The following DPP10 variants were observed in gnomAD, a reference collection of about 807,000 sequenced individuals.
DPP10 encodes the protein inactive dipeptidyl peptidase 10.
In DPP10, 33 loss-of-function variants were observed where a neutral mutation model predicts 120.9. The observed-to-expected ratio is 0.27, with a 90% CI of 0.21 to 0.37. DPP10 has a LOEUF of 0.37. DPP10 is among the 10% of genes least tolerant of loss of function. The pLI, the probability that DPP10 is intolerant of heterozygous loss-of-function variation, is 1.00. For synonymous variants in DPP10, 337 were observed against 326.1 expected (o/e 1.03, Z -0.36); for missense variants, 816 against 942.8 (o/e 0.87, Z 1.76).
chr2:114,813,585 ATCTT>A (rs1685366214), intron 1 of DPP10, among the ~76,000 whole-genome samples: 2 of 152,172 alleles, frequency 1.3e-5, no homozygotes, highest in African/African-American at 4.8e-5. Context: ...TTGTTTCAAA[ATCTT>A]ACTACCTTAT....
chr2:114,834,582 A>G (rs187485937), intron 1 of DPP10, among the ~76,000 whole-genome samples: 3,232 of 127,418 alleles, frequency 0.025, 90 homozygotes, highest in Admixed American at 0.03. Flanking sequence ...TATAAGCCAT[A>G]TCTACGCACC....
At chr2:114,716,925 A>G (rs773128386) in intron 1 of DPP10, among the ~76,000 whole-genome samples, 4 of 152,206 alleles carry the variant, frequency 2.6e-5, no homozygotes, top group Non-Finnish European at 5.9e-5. Context: ...TGGCACAACT[A>G]TCACATTTCT....
chr2:114,935,809 C>T lies in DPP10; in HGVS notation c.61-373430C>T, dbSNP rs146672391. Among the ~76,000 whole-genome samples the T allele has an allele frequency of 3.2e-3, 489 of 151,216 alleles. 11 individuals carry two copies. Among genetic ancestry groups the T allele is most frequent in the Admixed American group, 0.027 (415 of 15,170 alleles). ...AAACAAGTGCCTCCAGACAATCTTA[C>T]GAAGAAGCAAGTTTGGGAACCTTCT... On this transcript the variant is annotated intron_variant, in intron 1 of 25. Coordinates refer to ENST00000410059, the MANE Select transcript of DPP10 (RefSeq NM_020868.6).
intron 3 of DPP10, among the ~76,000 whole-genome samples, chr2:115,354,357 T>C (rs189733556): frequency 1.3e-5 from 2 of 152,234 alleles, no homozygotes; most frequent in Admixed American, 6.5e-5. Context: ...TTTTCACCAG[T>C]GTCTAACATT....
intron 1 of DPP10, among the ~76,000 whole-genome samples, chr2:114,773,327 ACGGAC>A (rs1681436979): frequency 2.1e-5 from 1 of 48,448 alleles, no homozygotes; most frequent in African/African-American, 5.5e-5. Context: ...AAAACTCATC[ACGGAC>A]TTTTAGTTTA....
chr2:115,485,695 T>C (rs926910975), intron 3 of DPP10, among the ~76,000 whole-genome samples: 1 of 152,110 alleles, frequency 6.6e-6, no homozygotes, highest in South Asian at 2.1e-4. Flanking sequence ...TCATTATGCA[T>C]TTGAAGAGTC....
At chr2:115,635,006 G>T (rs966303088) in intron 5 of DPP10, among the ~76,000 whole-genome samples, 1 of 152,122 alleles carries the variant, frequency 6.6e-6, no homozygotes, top group African/African-American at 2.4e-5. Context: ...CTCTGCCACA[G>T]CCACGGTGCT....
intron 1 of DPP10, among the ~76,000 whole-genome samples, chr2:114,759,895 G>A (rs1479765257): frequency 3.3e-5 from 5 of 151,722 alleles, no homozygotes; most frequent in South Asian, 2.1e-4. Flanking sequence ...TGAAGCAGAC[G>A]GACAAATTTG....
At chr2:115,763,677 A>G (rs915794227) in intron 12 of DPP10, among the ~76,000 whole-genome samples, 11 of 152,280 alleles carry the variant, frequency 7.2e-5, no homozygotes, top group South Asian at 2.1e-4. Context: ...GCACCTGCCA[A>G]TCTGTTCACA....
In DPP10 at chr2:114,588,040, C is replaced by T. The variant is rs74455679; in HGVS notation, c.60+145202C>T. On this transcript the variant is annotated intron_variant, in intron 1 of 25. Coordinates refer to ENST00000410059, the MANE Select transcript of DPP10 (RefSeq NM_020868.6). ...AAGGTCCCAGGTGTTTTAGAAGCTG[C>T]GCTATTTTAGCACAAAATAATATAC... Among the ~76,000 whole-genome samples, 995 of 152,268 alleles carry T rather than the reference C, an allele frequency of 6.5e-3. 17 individuals carry two copies. The highest frequency in any genetic ancestry group is 0.022 in the African/African-American group (916 of 41,548).
intron 1 of DPP10, among the ~76,000 whole-genome samples, chr2:114,722,544 A>C (rs1701764048): frequency 6.6e-6 from 1 of 152,066 alleles, no homozygotes; most frequent in Non-Finnish European, 1.5e-5. Flanking sequence ...TGGGAGGCCG[A>C]GGCGGGTGGA....
intron 7 of DPP10, among the ~76,000 whole-genome samples, chr2:115,707,052 A>G (rs1377409340): frequency 6.6e-6 from 1 of 152,036 alleles, no homozygotes; most frequent in Non-Finnish European, 1.5e-5. Flanking sequence ...TCAACGGAAC[A>G]TAGAGTAAAA....
At chr2:115,085,216 C>A (rs1708593126) in intron 1 of DPP10, among the ~76,000 whole-genome samples, 2 of 152,212 alleles carry the variant, frequency 1.3e-5, no homozygotes, top group African/African-American at 4.8e-5. Flanking sequence ...AAATAGTTCA[C>A]CCAGGGAATA....
chr2:115,554,297 A>C (rs1248184686), intron 5 of DPP10, among the ~76,000 whole-genome samples: 1 of 151,780 alleles, frequency 6.6e-6, no homozygotes, highest in Non-Finnish European at 1.5e-5. Flanking sequence ...GAGACAAGAG[A>C]TAGAGACAAG....
At chr2:115,102,948 T>C (rs2048765480) in intron 1 of DPP10, among the ~76,000 whole-genome samples, 1 of 152,136 alleles carries the variant, frequency 6.6e-6, no homozygotes, top group Non-Finnish European at 1.5e-5. Flanking sequence ...TGATAATCTC[T>C]TGGGACCTTG....
chr2:114,871,391 A>C (rs1460067914), intron 1 of DPP10, among the ~76,000 whole-genome samples: 1 of 152,230 alleles, frequency 6.6e-6, no homozygotes, highest in Non-Finnish European at 1.5e-5. Context: ...TGGATCTATT[A>C]GGTTGGTGCA....
intron 1 of DPP10, among the ~76,000 whole-genome samples, chr2:115,282,935 G>A (rs2060219940): frequency 6.6e-6 from 1 of 151,470 alleles, no homozygotes; most frequent in Admixed American, 6.6e-5. Flanking sequence ...CTGACTGTTT[G>A]CTTTTTTTAA....
chr2:114,612,515 A>T (rs1042881787), intron 1 of DPP10, among the ~76,000 whole-genome samples: 3 of 152,094 alleles, frequency 2.0e-5, no homozygotes, highest in African/African-American at 7.2e-5. Context: ...CTTTCTCCTT[A>T]CTATATCTCT....
At chr2:114,676,724 A>G (rs1210420661) in intron 1 of DPP10, among the ~76,000 whole-genome samples, 3 of 152,130 alleles carry the variant, frequency 2.0e-5, no homozygotes, top group Non-Finnish European at 4.4e-5. Context: ...CAATTTGAGT[A>G]GAAAGTCTGC....
Sources: allele counts gnomAD v4.1 joint callset (sites outside exome capture counted in the v4.1 genomes callset), GRCh38; gene constraint gnomAD v4.1.1; transcripts MANE v1.5; gene names NCBI Gene and HGNC (gene_info 2026-07-23, HGNC 2026-07-21).